The following FGGY variants were observed in gnomAD, a reference collection of about 807,000 sequenced individuals.
The protein encoded by FGGY is FGGY carbohydrate kinase domain containing.
In FGGY, 72 loss-of-function variants were observed where a neutral mutation model predicts 71.3. The ratio of observed to expected loss-of-function variants is 1.01; its 90% CI spans 0.84 to 1.23. The LOEUF (loss-of-function observed/expected upper bound fraction) is 1.23, where lower values mean the gene tolerates loss of function less well. FGGY is among the 50% of genes most tolerant of loss of function. The pLI is 0.00. For missense variants in FGGY, 668 were observed against 682.3 expected (o/e 0.98, Z 0.23); for synonymous variants, 251 against 250.3 (o/e 1.00, Z -0.02).
At chr1:59,562,566 G>A (rs2095808888) in intron 8 of FGGY, among the ~76,000 whole-genome samples, 1 of 152,204 alleles carries the variant, frequency 6.6e-6, no homozygotes, top group African/African-American at 2.4e-5. Flanking sequence ...GAAATGGAAT[G>A]TCTGGATCAC....
chr1:59,518,865 A>T (rs1239719057), intron 7 of FGGY, among the ~76,000 whole-genome samples: 1 of 152,214 alleles, frequency 6.6e-6, no homozygotes, highest in African/African-American at 2.4e-5. Flanking sequence ...GTATTCCTTT[A>T]TAGCAATGCG....
At chr1:59,426,287 G>A (rs1002299455) in intron 5 of FGGY, among the ~76,000 whole-genome samples, 2 of 152,112 alleles carry the variant, frequency 1.3e-5, no homozygotes, top group Non-Finnish European at 2.9e-5. Flanking sequence ...TTCCCCAGCA[G>A]AAATGGATTG....
At chr1:59,749,661 C>T (rs1405363100) in intron 14 of FGGY, among the ~76,000 whole-genome samples, 4 of 152,158 alleles carry the variant, frequency 2.6e-5, no homozygotes, top group African/African-American at 9.7e-5. Context: ...CCCCTGGCCA[C>T]ATGGAGCTTG....
intron 7 of FGGY, among the ~76,000 whole-genome samples, chr1:59,517,254 CTTTTTTTTTT>C: frequency 1.1e-5 from 1 of 87,656 alleles, no homozygotes; most frequent in Admixed American, 1.4e-4. Context: ...CTCAGTTGCT[CTTTTTTTTTT>C]TTTTTTTTTT....
chr1:59,466,430 A>G (rs540730587), intron 6 of FGGY, among the ~76,000 whole-genome samples: 228 of 152,354 alleles, frequency 1.5e-3, no homozygotes, highest in African/African-American at 4.9e-3. Flanking sequence ...AATACCATTC[A>G]GGACATAGGC....
At chr1:59,747,461 C>T (rs541964343) in intron 14 of FGGY, among the ~76,000 whole-genome samples, 3 of 152,256 alleles carry the variant, frequency 2.0e-5, no homozygotes, top group African/African-American at 4.8e-5. Context: ...TATTCTCTGT[C>T]GGAGTGTGCT....
At chr1:59,565,953 C>T (rs2095866595) in intron 8 of FGGY, among the ~76,000 whole-genome samples, 2 of 152,172 alleles carry the variant, frequency 1.3e-5, no homozygotes, top group African/African-American at 4.8e-5. Flanking sequence ...CCCCTGTTCC[C>T]TGCTGCGCTG....
chr1:59,312,091 A>T (rs999813086), intron 1 of FGGY, among the ~76,000 whole-genome samples: 2 of 152,054 alleles, frequency 1.3e-5, no homozygotes, highest in African/African-American at 4.8e-5. Context: ...CCACTTTTTG[A>T]TGGGGTTGTT....
rs1386944997 is a variant in FGGY, at chr1:59,698,898, G to A, written c.1512+24765G>A. The A allele has an allele frequency of 5.1e-6, 5 of 985,262 alleles. No homozygotes were observed. The African/African-American group carries it at 7.0e-5, about 14-fold the overall frequency. The allele number at this position is 985,262 out of a possible 1,614,324, so 61.0% of individuals were successfully genotyped here. Reference sequence around the variant, plus strand: ...GAATTGTACATGTCGTATGTTTTATGTGGCACTGATTCCTAAATATGCTCC... The same window carrying A: ...GAATTGTACATGTCGTATGTTTTATATGGCACTGATTCCTAAATATGCTCC... On this transcript the variant is annotated intron_variant, in intron 14 of 15. Coordinates refer to ENST00000303721, the MANE Select transcript of FGGY (RefSeq NM_018291.5).
At chr1:59,462,223 A>C (rs1234499039) in intron 6 of FGGY, among the ~76,000 whole-genome samples, 1 of 152,220 alleles carries the variant, frequency 6.6e-6, no homozygotes, top group Admixed American at 6.5e-5. Context: ...TTCCCTATTT[A>C]ATAAATGGTG....
intron 6 of FGGY, among the ~76,000 whole-genome samples, chr1:59,459,250 G>A (rs2091975032): frequency 6.6e-6 from 1 of 152,152 alleles, no homozygotes; most frequent in African/African-American, 2.4e-5. Flanking sequence ...AGGATCAAAT[G>A]CAATATTTAT....
chr1:59,373,706 G>A (rs2058129219), intron 4 of FGGY, among the ~76,000 whole-genome samples: 1 of 152,080 alleles, frequency 6.6e-6, no homozygotes, highest in Admixed American at 6.6e-5. Flanking sequence ...TACCAAAACA[G>A]AGATATAGAT....
At chr1:59,579,468 G>A (rs1213833047) in intron 8 of FGGY, among the ~76,000 whole-genome samples, 1 of 152,154 alleles carries the variant, frequency 6.6e-6, no homozygotes. Context: ...AATTTAGCAT[G>A]TCAAAAGCCT....
In FGGY at chr1:59,346,408, T is replaced by C; in HGVS notation, c.465+10T>C. 6.2e-7 allele frequency: 1 copy of C among 1,610,982 alleles called. No homozygotes were observed. The highest frequency in any genetic ancestry group is 1.3e-5 in the African/African-American group (1 of 74,856). On this transcript the variant is annotated intron_variant, in intron 4 of 15. Coordinates refer to ENST00000303721, the MANE Select transcript of FGGY (RefSeq NM_018291.5). ...TCTGTGGCTGAAAGAGGTGAGTGCA[T>C]AGGGTCTAAGAGAAGATACCAACAA... is the stretch of plus-strand genomic sequence containing the variant.
intron 14 of FGGY, among the ~76,000 whole-genome samples, chr1:59,736,353 C>T (rs1406818725): frequency 6.6e-6 from 1 of 152,098 alleles, no homozygotes; most frequent in East Asian, 1.9e-4. Context: ...GACTTTGGAA[C>T]TTGGTAACAG....
intron 14 of FGGY, among the ~76,000 whole-genome samples, chr1:59,738,934 T>C (rs1400395035): frequency 1.3e-5 from 2 of 152,192 alleles, no homozygotes; most frequent in African/African-American, 4.8e-5. Flanking sequence ...CAGTACCAGA[T>C]ACAGGGGAAT....
chr1:59,487,265 G>T (rs1037733721), intron 6 of FGGY, among the ~76,000 whole-genome samples: 45 of 152,260 alleles, frequency 3.0e-4, no homozygotes, highest in African/African-American at 1.1e-3. Flanking sequence ...ATTTCTCTCT[G>T]CATCTCCTTC....
intron 11 of FGGY, among the ~76,000 whole-genome samples, chr1:59,646,149 G>C (rs2153907067): frequency 6.6e-6 from 1 of 152,318 alleles, no homozygotes; most frequent in African/African-American, 2.4e-5. Flanking sequence ...GAGAGCAGAG[G>C]TTGCACCCCT....
chr1:59,319,254 A>G (rs2045972144), intron 1 of FGGY, among the ~76,000 whole-genome samples: 1 of 152,236 alleles, frequency 6.6e-6, no homozygotes, highest in South Asian at 2.1e-4. Context: ...ATGTGGTTGT[A>G]AAATGAATAA....
Sources: allele counts gnomAD v4.1 joint callset (sites outside exome capture counted in the v4.1 genomes callset), GRCh38; gene constraint gnomAD v4.1.1; transcripts MANE v1.5; gene names NCBI Gene and HGNC (gene_info 2026-07-23, HGNC 2026-07-21).